CEP85L: variants seen among roughly 807,000 people sequenced by gnomAD.
The protein encoded by CEP85L is centrosomal protein of 85 kDa-like.
A neutral mutation model predicts 100.3 loss-of-function variants in CEP85L; 60 were observed. The ratio of observed to expected loss-of-function variants is 0.60; its 90% CI spans 0.49 to 0.74. The LOEUF (loss-of-function observed/expected upper bound fraction) is 0.74, where lower values mean the gene tolerates loss of function less well. Among genes scored for constraint, CEP85L ranks in the 30% least tolerant of loss-of-function variants. The probability of loss-of-function intolerance (pLI) is 0.00; values close to 1 mark genes in which losing one functional copy is unlikely to be tolerated. For missense variants in CEP85L, 973 were observed against 936.2 expected, an observed-to-expected ratio of 1.04 and a Z score of -0.51; for synonymous variants, 319 against 322.7, an observed-to-expected ratio of 0.99 and a Z score of 0.12.
intron 3 of CEP85L, among the ~76,000 whole-genome samples, chr6:118,541,899 T>A (rs773002449): frequency 1.3e-5 from 2 of 152,196 alleles, no homozygotes; most frequent in Non-Finnish European, 2.9e-5. Context: ...GAAGTTTCTC[T>A]AATTATAAGG....
intron 2 of CEP85L, among the ~76,000 whole-genome samples, chr6:118,599,196 C>T (rs1397828605): frequency 1.3e-5 from 2 of 152,100 alleles, no homozygotes; most frequent in Non-Finnish European, 2.9e-5. Context: ...AACCAGAGCT[C>T]ATTGGTGAAA....
intron 5 of CEP85L, among the ~76,000 whole-genome samples, chr6:118,496,488 G>A (rs1480301197): frequency 6.6e-6 from 1 of 151,954 alleles, no homozygotes; most frequent in Non-Finnish European, 1.5e-5. Context: ...CTGAGTAGCT[G>A]GGATTACAGG....
chr6:118,621,985 T>C (rs530612101), intron 2 of CEP85L, among the ~76,000 whole-genome samples: 1 of 152,218 alleles, frequency 6.6e-6, no homozygotes, highest in Non-Finnish European at 1.5e-5. Context: ...CCCTAAGCCT[T>C]CCCACGGGAC....
At chr6:118,572,716 T>G (rs1445930737) in intron 2 of CEP85L, among the ~76,000 whole-genome samples, 1 of 152,176 alleles carries the variant, frequency 6.6e-6, no homozygotes, top group South Asian at 2.1e-4. Context: ...GAATGTATCA[T>G]GTACAAGGCA....
intron 2 of CEP85L, among the ~76,000 whole-genome samples, chr6:118,568,207 C>A (rs148489375): frequency 2.4e-3 from 372 of 152,282 alleles, no homozygotes; most frequent in Admixed American, 5.3e-3. Flanking sequence ...AAATTCCTAT[C>A]CCAGAACTGG....
chr6:118,684,339 A>G (rs1294202440), intron 1 of CEP85L, among the ~76,000 whole-genome samples: 1 of 151,292 alleles, frequency 6.6e-6, no homozygotes, highest in African/African-American at 2.4e-5. Flanking sequence ...GAGCTCTACA[A>G]AAAATTTAAA....
At chr6:118,542,923 A>AAAAAAAAAAC (rs1554216838) in intron 3 of CEP85L, among the ~76,000 whole-genome samples, 2 of 143,930 alleles carry the variant, frequency 1.4e-5, no homozygotes, top group Non-Finnish European at 3.1e-5. Context: ...AAAAAAAAAA[A>AAAAAAAAAAC]CAGGATATTC....
intron 10 of CEP85L, among the ~76,000 whole-genome samples, chr6:118,474,784 G>T (rs1429197231): frequency 1.2e-4 from 18 of 152,178 alleles, no homozygotes; most frequent in Non-Finnish European, 2.2e-4. Flanking sequence ...TTGCAACAGT[G>T]TGATGACAAA....
intron 2 of CEP85L, among the ~76,000 whole-genome samples, chr6:118,581,020 A>G (rs1780545575): frequency 6.6e-6 from 1 of 152,138 alleles, no homozygotes; most frequent in Non-Finnish European, 1.5e-5. Context: ...TGCCACCTAG[A>G]GGAAACAGAA....
At chr6:118,491,127 G>C (rs1774527617) in intron 6 of CEP85L, among the ~76,000 whole-genome samples, 1 of 150,214 alleles carries the variant, frequency 6.7e-6, no homozygotes, top group South Asian at 2.1e-4. Context: ...GTTTTCCATA[G>C]TTGTTGTACT....
chr6:118,708,346 T>C, intron 1 of CEP85L, among the ~76,000 whole-genome samples: 1 of 152,162 alleles, frequency 6.6e-6, no homozygotes, highest in South Asian at 2.1e-4. Context: ...TGCAAGACTG[T>C]AAAATACAAC....
intron 1 of CEP85L, among the ~76,000 whole-genome samples, chr6:118,679,491 T>C (rs1776584047): frequency 6.6e-6 from 1 of 152,208 alleles, no homozygotes; most frequent in South Asian, 2.1e-4. Context: ...TTCCTGAAGT[T>C]AGTTTTTTCC....
At chr6:118,680,496 T>A (rs1287634665) in intron 1 of CEP85L, among the ~76,000 whole-genome samples, 1 of 152,162 alleles carries the variant, frequency 6.6e-6, no homozygotes, top group Non-Finnish European at 1.5e-5. Context: ...CTGACATGTG[T>A]ACTCAGAACT....
At chr6:118,564,106 G>A (rs1212347180) in intron 3 of CEP85L, among the ~76,000 whole-genome samples, 1 of 150,494 alleles carries the variant, frequency 6.6e-6, no homozygotes, top group Non-Finnish European at 1.5e-5. Context: ...TATCTCAACA[G>A]TGTGTCCCCA....
At chr6:118,513,670 A>T (rs975078961) in intron 4 of CEP85L, among the ~76,000 whole-genome samples, 40 of 152,168 alleles carry the variant, frequency 2.6e-4, no homozygotes, top group African/African-American at 9.1e-4. Context: ...CACAGAAAAT[A>T]TTTTTTTAAA....
chr6:118,709,348 T>C (rs930210488), intron 1 of CEP85L, among the ~76,000 whole-genome samples: 3 of 152,126 alleles, frequency 2.0e-5, no homozygotes, highest in Admixed American at 2.0e-4. Flanking sequence ...GTCTGCTTTG[T>C]AAAGTATGTC....
intron 2 of CEP85L, among the ~76,000 whole-genome samples, chr6:118,609,449 T>C (rs939570468): frequency 2.0e-5 from 3 of 152,202 alleles, no homozygotes; most frequent in Non-Finnish European, 2.9e-5. Context: ...AAATACATAA[T>C]AGTAGTTGAC....
chr6:118,674,681 T>C lies in CEP85L; in HGVS notation c.-27-21873A>G, dbSNP rs78970598. 9.2e-5 allele frequency among the ~76,000 whole-genome samples: 14 copies of C among 152,298 alleles called. No individual in the cohort carries two copies. In the East Asian group the frequency reaches 2.3e-3, roughly 25 times the overall value. On this transcript the variant is annotated intron_variant, in intron 1 of 13. Coordinates refer to the CEP85L transcript ENST00000368488. ...AATAGACATTGCTCCAAAGAAGATA[T>C]ACGCATGACCATAAAGCAAGTGAAA... is the stretch of plus-strand genomic sequence containing the variant.
At chr6:118,622,153 G>A (rs529234913) in intron 2 of CEP85L, among the ~76,000 whole-genome samples, 9 of 152,210 alleles carry the variant, frequency 5.9e-5, no homozygotes, top group South Asian at 4.2e-4. Flanking sequence ...TTGCAGCAGC[G>A]GCCATCTTAG....
Sources: gnomAD v4.1 joint callset for allele counts (sites outside exome capture counted in the v4.1 genomes callset) on GRCh38, gnomAD v4.1.1 for gene constraint, MANE v1.5 for transcripts, NCBI Gene and HGNC (gene_info 2026-07-23, HGNC 2026-07-21) for gene names.